ADORA2B: variants seen among roughly 807,000 people sequenced by gnomAD.
ADORA2B encodes the protein adenosine A2b receptor.
Under a neutral mutation model 20.8 loss-of-function variants are expected in ADORA2B, and 18 were observed. The observed-to-expected ratio is 0.87, with a 90% CI of 0.60 to 1.29. ADORA2B has a LOEUF of 1.29. Ranked by LOEUF, ADORA2B falls within the 50% of genes most tolerant of loss-of-function variation. ADORA2B has a pLI of 0.00. For synonymous variants in ADORA2B, 179 were observed against 178.3 expected (o/e 1.00, Z -0.03); for missense variants, 441 against 422.7 (o/e 1.04, Z -0.38).
At chr17:15,953,215 G>A (rs941946630) in intron 1 of ADORA2B, among the ~76,000 whole-genome samples, 14 of 152,330 alleles carry the variant, frequency 9.2e-5, no homozygotes, top group African/African-American at 2.2e-4. Context: ...GGTGGGGGAC[G>A]GGCCAGGGAG....
chr17:15,967,173 G>A (rs1970131061), intron 1 of ADORA2B, among the ~76,000 whole-genome samples: 1 of 152,078 alleles, frequency 6.6e-6, no homozygotes, highest in African/African-American at 2.4e-5. Flanking sequence ...TGAGATGCCA[G>A]AGTCCCCAGG....
At chr17:15,907,287 T>C in the ADORA2B span, among the ~76,000 whole-genome samples, 5 of 152,292 alleles carry the variant, frequency 3.3e-5, no homozygotes, top group South Asian at 1.0e-3. Flanking sequence ...TTCTCATGAC[T>C]AATGATATGC....
chr17:15,906,674 A>G, the ADORA2B span, among the ~76,000 whole-genome samples: 20 of 152,222 alleles, frequency 1.3e-4, no homozygotes, highest in African/African-American at 4.6e-4. Context: ...TAGAATTGGT[A>G]TAATTTCTTC....
chr17:15,878,134 A>G, the ADORA2B span, among the ~76,000 whole-genome samples: 1 of 151,584 alleles, frequency 6.6e-6, no homozygotes, highest in East Asian at 1.9e-4. Context: ...GATATTAATC[A>G]TATCTGTCAC....
the ADORA2B span, among the ~76,000 whole-genome samples, chr17:15,866,155 G>T: frequency 1.3e-5 from 2 of 152,182 alleles, no homozygotes; most frequent in Middle Eastern, 3.4e-3. Context: ...ATATGTGCTT[G>T]TTCCTGTTGG....
the ADORA2B span, among the ~76,000 whole-genome samples, chr17:15,927,971 G>A: frequency 2.0e-5 from 3 of 151,930 alleles, no homozygotes; most frequent in African/African-American, 7.3e-5. Flanking sequence ...TACAGCGCCC[G>A]CCACCACACC....
the ADORA2B span, among the ~76,000 whole-genome samples, chr17:15,894,052 C>T: frequency 6.6e-6 from 1 of 152,180 alleles, no homozygotes; most frequent in African/African-American, 2.4e-5. Context: ...CAACCCCTGA[C>T]CTAGAACATC....
At chr17:15,896,979 C>G in the ADORA2B span, among the ~76,000 whole-genome samples, 1 of 152,120 alleles carries the variant, frequency 6.6e-6, no homozygotes, top group African/African-American at 2.4e-5. Context: ...GGAGAGAGAG[C>G]TTGGGAATGA....
At chr17:15,929,294 AAGTGGAATCC>A in the ADORA2B span, among the ~76,000 whole-genome samples, 1 of 152,294 alleles carries the variant, frequency 6.6e-6, no homozygotes, top group South Asian at 2.1e-4. Flanking sequence ...GTGGAATATG[AAGTGGAATCC>A]AGACTAAAAC....
chr17:15,874,728 T>A, the ADORA2B span, among the ~76,000 whole-genome samples: 1 of 151,988 alleles, frequency 6.6e-6, no homozygotes, highest in South Asian at 2.1e-4. Flanking sequence ...GAATATCACT[T>A]ATCGTGCCTT....
In ADORA2B at chr17:15,945,424, T is replaced by G. The variant is rs1416410763; in HGVS notation, c.176T>G (p.Phe59Cys). ...GCGGCCGACGTGGCCGTGGGGCTCTTCGCCATCCCCTTTGCCATCACCATC... is the reference window on the plus strand; with the variant it reads ...GCGGCCGACGTGGCCGTGGGGCTCTGCGCCATCCCCTTTGCCATCACCATC... The part of the protein sequence containing the change: ...LAAADVAVGL[F>C]AIPFAITISL... Residue 59 changes from phenylalanine (F) to cysteine (C), a missense_variant, in exon 1 of 2, where the codon TTC becomes TGC. Physicochemically the swap from Phe to Cys is radical, Grantham distance 205 (BLOSUM62 -2). Coordinates refer to ENST00000304222, the MANE Select transcript of ADORA2B (RefSeq NM_000676.4). 36 of 1,613,590 alleles carry G rather than the reference T, an allele frequency of 2.2e-5. No individual in the cohort carries two copies. The highest frequency in any genetic ancestry group is 3.0e-5 in the Non-Finnish European group (35 of 1,179,978).
chr17:15,953,331 GAGTTAGAAATCAACC>G (rs1969929239), intron 1 of ADORA2B, among the ~76,000 whole-genome samples: 1 of 152,156 alleles, frequency 6.6e-6, no homozygotes, highest in Admixed American at 6.5e-5. Flanking sequence ...CTATTTTTTT[GAGTTAGAAATCAACC>G]AGTGGGCATA....
the ADORA2B span, among the ~76,000 whole-genome samples, chr17:15,886,347 A>G: frequency 8.4e-6 from 1 of 118,894 alleles, no homozygotes; most frequent in South Asian, 2.5e-4. Flanking sequence ...AACCACGTGC[A>G]GTAGAACCAC....
chr17:15,946,328 C>T (rs1969805742), intron 1 of ADORA2B, among the ~76,000 whole-genome samples: 1 of 152,176 alleles, frequency 6.6e-6, no homozygotes, highest in African/African-American at 2.4e-5. Context: ...CTGAGAAGTG[C>T]AGAAAATGGT....
At chr17:15,949,637 C>T (rs937277928) in intron 1 of ADORA2B, among the ~76,000 whole-genome samples, 11 of 150,182 alleles carry the variant, frequency 7.3e-5, no homozygotes, top group African/African-American at 2.7e-4. Flanking sequence ...TTTGGGAGGC[C>T]GAGGCAGGTG....
chr17:15,857,714 A>G, the ADORA2B span, among the ~76,000 whole-genome samples: 3 of 151,556 alleles, frequency 2.0e-5, no homozygotes, highest in Non-Finnish European at 4.4e-5. Flanking sequence ...ATTTTGGTCA[A>G]TTTCTCCCAT....
the ADORA2B span, among the ~76,000 whole-genome samples, chr17:15,903,350 A>T: frequency 6.6e-6 from 1 of 152,250 alleles, no homozygotes; most frequent in Non-Finnish European, 1.5e-5. Flanking sequence ...TTGAAATGGA[A>T]AATATATATT....
the ADORA2B span, among the ~76,000 whole-genome samples, chr17:15,888,359 C>A: frequency 7.0e-5 from 9 of 129,018 alleles, 3 homozygotes; most frequent in Admixed American, 6.9e-4. Context: ...CTCCATGCAG[C>A]CTATATACTT....
chr17:15,947,151 T>A (rs1171203679), intron 1 of ADORA2B, among the ~76,000 whole-genome samples: 1 of 152,182 alleles, frequency 6.6e-6, no homozygotes, highest in Non-Finnish European at 1.5e-5. Context: ...GCCCAGGGAT[T>A]TCCAAGGCTT....
Sources: allele counts gnomAD v4.1 joint callset (sites outside exome capture counted in the v4.1 genomes callset), GRCh38; gene constraint gnomAD v4.1.1; transcripts MANE v1.5; gene names NCBI Gene and HGNC (gene_info 2026-07-23, HGNC 2026-07-21).